The following PARK7 variants were observed in gnomAD, a reference collection of about 807,000 sequenced individuals.
The protein encoded by PARK7 is Parkinson disease protein 7.
A neutral mutation model predicts 20.5 loss-of-function variants in PARK7; 14 were observed. The observed-to-expected ratio is 0.68, with a 90% CI of 0.45 to 1.07. The LOEUF (loss-of-function observed/expected upper bound fraction) is 1.07. PARK7 is among the 50% of genes least tolerant of loss of function. PARK7 has a pLI of 0.00. For synonymous variants in PARK7, 98 were observed against 84.3 expected (o/e 1.16, Z -0.89); for missense variants, 234 against 238.1 (o/e 0.98, Z 0.11).
In PARK7 at chr1:7,980,108, C is replaced by T. The variant is rs148420033; in HGVS notation, c.409+2370C>T. 8.9e-3 allele frequency among the ~76,000 whole-genome samples: 1,306 copies of T among 146,768 alleles called. 9 individuals are homozygous for T. Among genetic ancestry groups the T allele is most frequent in the Non-Finnish European group, 0.016 (1,050 of 67,418 alleles). The stretch of plus-strand genomic sequence containing the variant: ...CCCAAGAGGTGGAGCTTGCAGTGAG[C>T]TGAGATCGTGCCACTGCACTCCAGC... On this transcript the variant is annotated intron_variant, in intron 6 of 6. Coordinates refer to ENST00000338639, the MANE Select transcript of PARK7 (RefSeq NM_007262.5).
intron 6 of PARK7, among the ~76,000 whole-genome samples, chr1:7,979,335 A>G (rs921771574): frequency 1.3e-5 from 2 of 152,066 alleles, no homozygotes; most frequent in Non-Finnish European, 2.9e-5. Context: ...CTGGCCATGC[A>G]TAGCCTCCCC....
chr1:7,979,823 A>G (rs558521259), intron 6 of PARK7, among the ~76,000 whole-genome samples: 3 of 152,154 alleles, frequency 2.0e-5, no homozygotes, highest in Admixed American at 2.0e-4. Flanking sequence ...TTTAGTTGCT[A>G]GAAAGATACT....
intron 6 of PARK7, among the ~76,000 whole-genome samples, chr1:7,978,862 A>G (rs1008772006): frequency 2.7e-5 from 4 of 146,740 alleles, no homozygotes; most frequent in African/African-American, 9.8e-5. Context: ...AAAAAAAAAA[A>G]AAGTTTCTTG....
intron 5 of PARK7, among the ~76,000 whole-genome samples, chr1:7,974,425 C>T (rs914434820): frequency 1.2e-4 from 18 of 151,904 alleles, no homozygotes; most frequent in Admixed American, 9.8e-4. Context: ...GTCAGGAGAT[C>T]GAGACCATCC....
rs550874184 is a variant in PARK7, at chr1:7,979,849, C to T, written c.409+2111C>T. Among the ~76,000 whole-genome samples, 6 of 152,184 alleles carry T rather than the reference C, an allele frequency of 3.9e-5. No homozygotes were observed. The South Asian group carries it at 6.2e-4, about 16-fold the overall frequency. On this transcript the variant is annotated intron_variant, in intron 6 of 6. Coordinates refer to ENST00000338639, the MANE Select transcript of PARK7 (RefSeq NM_007262.5). ...GAAAGATACTATGTTATCATTAAAA[C>T]GATCTGTTTGAAAATTGGTACTTTT...
chr1:7,985,180 G>C lies in PARK7; in HGVS notation c.*126G>C, dbSNP rs1640795317. 1 of 1,252,862 alleles carries C rather than the reference G, an allele frequency of 8.0e-7. No homozygotes were observed. The allele number at this position is 1,252,862 out of a possible 1,614,324, so 77.6% of individuals were successfully genotyped here. ...AGTCGCTGTCCTTACTACTTTTGCG[G>C]AAGTATGGAAGTCACAACTACACAG... is the stretch of plus-strand genomic sequence containing the variant. On this transcript the variant is annotated 3_prime_UTR_variant, in exon 7 of 7. Transcript: ENST00000338639.
At chr1:7,983,990 A>G (rs1480253930) in intron 6 of PARK7, among the ~76,000 whole-genome samples, 1 of 152,230 alleles carries the variant, frequency 6.6e-6, no homozygotes, top group Non-Finnish European at 1.5e-5. Flanking sequence ...GGCAGTAAAT[A>G]GAATGCGGTG....
At chr1:7,969,261 A>G (rs1323037728) in intron 3 of PARK7, 84 bp from the exon 4 acceptor site, 12 of 1,116,838 alleles carry the variant, frequency 1.1e-5, no homozygotes, top group Non-Finnish European at 1.6e-5. Context: ...CACATTTAAA[A>G]TAGGAAAGTA....
chr1:7,981,879 C>T lies in PARK7; in HGVS notation c.410-3015C>T, dbSNP rs184905494. 7.0e-3 allele frequency among the ~76,000 whole-genome samples: 1,051 copies of T among 150,796 alleles called. 12 individuals are homozygous for T. Among genetic ancestry groups the T allele is most frequent in the Middle Eastern group, 0.017 (5 of 290 alleles). ...TTCATCGTGTTAGCCAGGATGGTCT[C>T]GATCTCCTGACCTTGTGATCTGCCC... On this transcript the variant is annotated intron_variant, in intron 6 of 6. Transcript: ENST00000338639.
At chr1:7,981,730 C>CTCACGGCAAGCTCCGCCTCCCAGGT (rs1640714198) in intron 6 of PARK7, among the ~76,000 whole-genome samples, 1 of 148,830 alleles carries the variant, frequency 6.7e-6, no homozygotes, top group East Asian at 1.9e-4. Flanking sequence ...ACGATCTGTG[C>CTCACGGCAAGCTCCGCCTCCCAGGT]TCACGGCAAG....
In PARK7 at chr1:7,963,907, C is replaced by T. The variant is rs541050155; in HGVS notation, c.90+1032C>T. Among the ~76,000 whole-genome samples, 3 of 151,826 alleles carry T rather than the reference C, an allele frequency of 2.0e-5. No individual in the cohort carries two copies. The East Asian group carries it at 5.8e-4, about 30-fold the overall frequency. ...CCTCAGCTCACTGCAACTTCTGCCT[C>T]CTGGGTTCAAGCAGTTCTCTGCCTC... On this transcript the variant is annotated intron_variant, in intron 2 of 6. Coordinates refer to ENST00000338639, the MANE Select transcript of PARK7 (RefSeq NM_007262.5).
intron 6 of PARK7, among the ~76,000 whole-genome samples, chr1:7,978,844 CAAAAAAA>C (rs368607562): frequency 1.0e-4 from 11 of 107,096 alleles, no homozygotes; most frequent in Non-Finnish European, 1.6e-4. Context: ...AAGACCCTAT[CAAAAAAA>C]AAAAAAAAAA....
Position 7,971,091 on chromosome 1 carries a change from GT to G in PARK7, c.322+131del. ...CAGGGCATCTGTGTTGGTGTATTTAGTTTGGGTGGCATGAAGTTGGTGTCAT... is the reference window on the plus strand; with the variant it reads ...CAGGGCATCTGTGTTGGTGTATTTAGTTGGGTGGCATGAAGTTGGTGTCAT... On this transcript the variant is annotated intron_variant, in intron 5 of 6. Transcript: ENST00000338639. The G allele has an allele frequency of 2.9e-6, 3 of 1,023,198 alleles. No homozygotes were observed. The South Asian group carries it at 4.0e-5, about 14-fold the overall frequency. The allele number at this position is 1,023,198 out of a possible 1,614,324, so 63.4% of individuals were successfully genotyped here.
In PARK7 at chr1:7,969,119, G is replaced by A. The variant is rs945044399; in HGVS notation, c.193-226G>A. 14 of 506,712 alleles carry A rather than the reference G, an allele frequency of 2.8e-5. 1 individual carries two copies. Among genetic ancestry groups the A allele is most frequent in the Admixed American group, 6.7e-5 (2 of 29,652 alleles). The allele number at this position is 506,712 out of a possible 1,614,324, so 31.4% of individuals were successfully genotyped here. On this transcript the variant is annotated intron_variant, in intron 3 of 6. Coordinates refer to ENST00000338639, the MANE Select transcript of PARK7 (RefSeq NM_007262.5). ...TATACTACCCCTGCTACTCTGCAGC[G>A]TGGACATCCTTGCATGTCACTACAT...
In PARK7 at chr1:7,985,133, G is replaced by A; in HGVS notation, c.*79G>A. On this transcript the variant is annotated 3_prime_UTR_variant, in exon 7 of 7. Transcript: ENST00000338639. ...CACTGTGTTCGCTCTAAACAAAACA[G>A]TGGTAGGTTAATGTGTTCAGAAGTC... 6.4e-7 allele frequency: 1 copy of A among 1,552,104 alleles called. No homozygotes were observed.
intron 6 of PARK7, among the ~76,000 whole-genome samples, chr1:7,982,017 C>T (rs1197484625): frequency 7.0e-6 from 1 of 142,332 alleles, no homozygotes; most frequent in Non-Finnish European, 1.5e-5. Context: ...GCTCTCTCAC[C>T]CAGGCTGAAG....
intron 2 of PARK7, among the ~76,000 whole-genome samples, chr1:7,964,478 T>G (rs1382529991): frequency 2.0e-5 from 3 of 152,252 alleles, no homozygotes; most frequent in Non-Finnish European, 4.4e-5. Context: ...TGCTGCTTGG[T>G]GTTGCACTGA....
chr1:7,963,491 C>G (rs1484384319), intron 2 of PARK7, among the ~76,000 whole-genome samples: 2 of 150,896 alleles, frequency 1.3e-5, no homozygotes, highest in African/African-American at 4.9e-5. Context: ...TCAAGAGATT[C>G]TCCTGCCTCA....
At chr1:7,982,122 T>C (rs1640725065) in intron 6 of PARK7, among the ~76,000 whole-genome samples, 1 of 151,492 alleles carries the variant, frequency 6.6e-6, no homozygotes, top group Admixed American at 6.6e-5. Context: ...TTACAGGTAC[T>C]GGCCGCCAGG....
Sources: allele counts gnomAD v4.1 joint callset (sites outside exome capture counted in the v4.1 genomes callset), GRCh38; gene constraint gnomAD v4.1.1; transcripts MANE v1.5; gene names NCBI Gene and HGNC (gene_info 2026-07-23, HGNC 2026-07-21).